ITGBL1: variants seen among roughly 807,000 people sequenced by gnomAD.
The protein encoded by ITGBL1 is integrin beta-like protein 1.
Under a neutral mutation model 68.5 loss-of-function variants are expected in ITGBL1, and 51 were observed. The ratio of observed to expected loss-of-function variants is 0.74; its 90% CI spans 0.59 to 0.94. ITGBL1 has a LOEUF of 0.94. ITGBL1 is among the 40% of genes least tolerant of loss of function. ITGBL1 has a pLI of 0.00. For missense variants in ITGBL1, 649 were observed against 647.4 expected, an observed-to-expected ratio of 1.00 and a Z score of -0.03; for synonymous variants, 209 against 227.3, an observed-to-expected ratio of 0.92 and a Z score of 0.72.
At chr13:101,628,464 G>T (rs768811331) in intron 7 of ITGBL1, among the ~76,000 whole-genome samples, 8 of 143,174 alleles carry the variant, frequency 5.6e-5, no homozygotes, top group Non-Finnish European at 1.1e-4. Flanking sequence ...ACAAAGTCTC[G>T]CTCTGTCACC....
At chr13:101,675,086 A>AT (rs992198297) in intron 7 of ITGBL1, among the ~76,000 whole-genome samples, 5 of 152,004 alleles carry the variant, frequency 3.3e-5, no homozygotes, top group African/African-American at 4.8e-5. Context: ...TAATTTGACA[A>AT]TTTTTTTCAG....
At chr13:101,584,136 G>A (rs1220970753) in intron 6 of ITGBL1, among the ~76,000 whole-genome samples, 1 of 152,216 alleles carries the variant, frequency 6.6e-6, no homozygotes, top group Non-Finnish European at 1.5e-5. Flanking sequence ...ATCTTTGACT[G>A]TAAATACTGT....
intron 8 of ITGBL1, among the ~76,000 whole-genome samples, chr13:101,699,888 C>A (rs2034094566): frequency 6.6e-6 from 1 of 152,194 alleles, no homozygotes; most frequent in Non-Finnish European, 1.5e-5. Context: ...CAGGAACATT[C>A]CACTTAGTAG....
At chr13:101,462,844 A>T (rs1274582755) in intron 2 of ITGBL1, among the ~76,000 whole-genome samples, 1 of 152,122 alleles carries the variant, frequency 6.6e-6, no homozygotes. Context: ...TGGCCTCCCA[A>T]AGTGCTGCGA....
Position 101,538,741 on chromosome 13 carries a change from G to A in ITGBL1, c.317-28958G>A, listed in dbSNP as rs1036098269. ...TTCCTGGAAATAAGAGCTCAAAGGA[G>A]AAATGTCAGGCATGTAAGGGAAAAT... On this transcript the variant is annotated intron_variant, in intron 2 of 10. Transcript: ENST00000376180. Among the ~76,000 whole-genome samples the A allele has an allele frequency of 3.9e-5, 6 of 152,214 alleles. No homozygotes were observed. In the South Asian group the frequency reaches 8.3e-4, roughly 21 times the overall value.
rs2048180738 is a variant in ITGBL1 at position 101,452,682 on chromosome 13, A to G, written c.-152A>G. ...CAGGCAGCTCATCAACGCAATTGCAACTCCGGCTGGAGCCCCGGACCTGCA... is the reference window on the plus strand; with the variant it reads ...CAGGCAGCTCATCAACGCAATTGCAGCTCCGGCTGGAGCCCCGGACCTGCA... On this transcript the variant is annotated 5_prime_UTR_variant, in exon 1 of 11. Transcript: ENST00000376180. 1.2e-5 allele frequency: 8 copies of G among 644,612 alleles called. No homozygotes were observed. Among genetic ancestry groups the G allele is most frequent in the East Asian group, 8.0e-5 (3 of 37,644 alleles). The allele number at this position is 644,612 out of a possible 1,614,324, so 39.9% of individuals were successfully genotyped here. A position where few individuals can be genotyped will look rare whatever the true frequency, so the allele number is the denominator to read the frequency against.
At chr13:101,620,796 T>C (rs1345403899) in intron 7 of ITGBL1, among the ~76,000 whole-genome samples, 1 of 152,182 alleles carries the variant, frequency 6.6e-6, no homozygotes, top group Non-Finnish European at 1.5e-5. Context: ...TCATCTATTG[T>C]CATGGTCCTT....
chr13:101,526,155 C>CTTTTTTT (rs66790287), intron 2 of ITGBL1, among the ~76,000 whole-genome samples: 1 of 136,546 alleles, frequency 7.3e-6, no homozygotes, highest in African/African-American at 2.7e-5. Context: ...TCTTCTTCTT[C>CTTTTTTT]TTTTTTTTTT....
intron 2 of ITGBL1, among the ~76,000 whole-genome samples, chr13:101,479,121 A>G (rs2048579077): frequency 6.6e-6 from 1 of 152,090 alleles, no homozygotes; most frequent in Non-Finnish European, 1.5e-5. Context: ...ATATAGACTG[A>G]AGGAATAGAA....
At chr13:101,693,396 T>C (rs1305009780) in intron 8 of ITGBL1, among the ~76,000 whole-genome samples, 10 of 152,320 alleles carry the variant, frequency 6.6e-5, no homozygotes, top group Non-Finnish European at 1.0e-4. Flanking sequence ...TGGAATTACA[T>C]TACAAGAAAA....
chr13:101,682,071 T>A (rs1222686755), intron 7 of ITGBL1, among the ~76,000 whole-genome samples: 1 of 152,200 alleles, frequency 6.6e-6, no homozygotes, highest in Non-Finnish European at 1.5e-5. Context: ...TGTTTAACTA[T>A]TAAAAAATAA....
At chr13:101,605,767 C>T (rs1483991097) in intron 7 of ITGBL1, among the ~76,000 whole-genome samples, 4 of 106,624 alleles carry the variant, frequency 3.8e-5, no homozygotes, top group African/African-American at 7.2e-5. Flanking sequence ...TGTGTGTACA[C>T]GTGTGTAGGC....
chr13:101,494,439 AG>A (rs2048825696), intron 2 of ITGBL1, among the ~76,000 whole-genome samples: 1 of 152,238 alleles, frequency 6.6e-6, no homozygotes, highest in Admixed American at 6.5e-5. Flanking sequence ...TACTGTAGTC[AG>A]AAAAAAACTA....
chr13:101,569,764 A>G (rs2050243637), intron 3 of ITGBL1, among the ~76,000 whole-genome samples: 1 of 152,188 alleles, frequency 6.6e-6, no homozygotes, highest in Non-Finnish European at 1.5e-5. Context: ...GTAAAACACT[A>G]GAGAAATGGT....
At chr13:101,612,091 A>G (rs2031155425) in intron 7 of ITGBL1, among the ~76,000 whole-genome samples, 1 of 152,136 alleles carries the variant, frequency 6.6e-6, no homozygotes, top group Non-Finnish European at 1.5e-5. Flanking sequence ...TTTATTTTTC[A>G]TGTGTTGCCT....
intron 7 of ITGBL1, among the ~76,000 whole-genome samples, chr13:101,616,958 A>G (rs1408696458): frequency 6.6e-6 from 1 of 152,224 alleles, no homozygotes; most frequent in Non-Finnish European, 1.5e-5. Flanking sequence ...TTAAAATGGC[A>G]CAAATATATT....
At chr13:101,518,890 A>G (rs1380304263) in intron 2 of ITGBL1, among the ~76,000 whole-genome samples, 1 of 152,184 alleles carries the variant, frequency 6.6e-6, no homozygotes, top group Non-Finnish European at 1.5e-5. Context: ...AACTGCTCAA[A>G]TCACTTTTCC....
intron 7 of ITGBL1, among the ~76,000 whole-genome samples, chr13:101,639,112 C>G (rs2032277676): frequency 6.6e-6 from 1 of 152,098 alleles, no homozygotes; most frequent in Admixed American, 6.6e-5. Flanking sequence ...CTCTAGGAGC[C>G]CACATCTACA....
intron 6 of ITGBL1, among the ~76,000 whole-genome samples, chr13:101,584,660 G>A (rs2139292988): frequency 1.3e-5 from 2 of 152,224 alleles, no homozygotes; most frequent in African/African-American, 4.8e-5. Context: ...TAAACATTTT[G>A]TGAACACTAT....
Sources: gnomAD v4.1 joint callset for allele counts (sites outside exome capture counted in the v4.1 genomes callset) on GRCh38, gnomAD v4.1.1 for gene constraint, MANE v1.5 for transcripts, NCBI Gene and HGNC (gene_info 2026-07-23, HGNC 2026-07-21) for gene names.